Variants in MYBPH observed in about 807,000 individuals in gnomAD.
MYBPH encodes the protein myosin-binding protein H.
MYBPH carries 49 observed loss-of-function variants against 53.6 expected under a neutral mutation model. The observed-to-expected ratio is 0.91, with a 90% CI of 0.73 to 1.16. The LOEUF (loss-of-function observed/expected upper bound fraction) is 1.16. MYBPH is among the 50% of genes most tolerant of loss of function. The pLI, the probability that MYBPH is intolerant of heterozygous loss-of-function variation, is 0.00. For missense variants in MYBPH, 558 were observed against 624.1 expected, an observed-to-expected ratio of 0.89 and a Z score of 1.13; for synonymous variants, 239 against 249.6, an observed-to-expected ratio of 0.96 and a Z score of 0.40.
intron 3 of MYBPH, among the ~76,000 whole-genome samples, chr1:203,174,146 G>A (rs1331095293): frequency 4.6e-5 from 7 of 152,212 alleles, no homozygotes; most frequent in African/African-American, 1.7e-4. Flanking sequence ...TCTTAGCATT[G>A]AGCAGGTGAC....
intron 6 of MYBPH, among the ~76,000 whole-genome samples, chr1:203,170,656 T>C (rs966965443): frequency 2.0e-5 from 3 of 152,150 alleles, no homozygotes; most frequent in Non-Finnish European, 4.4e-5. Context: ...CAGAGAATCC[T>C]AGAGCCTTTG....
chr1:203,178,524 A>G (rs889518072), upstream of MYBPH, among the ~76,000 whole-genome samples: 1 of 152,344 alleles, frequency 6.6e-6, no homozygotes, highest in South Asian at 2.1e-4. Context: ...CTGAGGGTCC[A>G]GGGTTCAGGG....
In MYBPH at chr1:203,170,166, A is replaced by G. The variant is rs533181855; in HGVS notation, c.1093+125T>C. The G allele has an allele frequency of 5.0e-6, 6 of 1,193,616 alleles. No homozygotes were observed. The Admixed American group carries it at 9.6e-5, about 19-fold the overall frequency. The allele number at this position is 1,193,616 out of a possible 1,614,324, so 73.9% of individuals were successfully genotyped here. A position where few individuals can be genotyped will look rare whatever the true frequency, so the allele number is the denominator to read the frequency against. On this transcript the variant is annotated intron_variant, in intron 7 of 10. Coordinates refer to ENST00000255416, the MANE Select transcript of MYBPH (RefSeq NM_004997.3). ...TGTGTGTATGCATAGCCGTGGAGTG[A>G]GGAGACGGCAAGTGTTCCAGGGGCA...
chr1:203,170,455 A>C lies in MYBPH; in HGVS notation c.934-5T>G. On this transcript the variant is annotated splice_polypyrimidine_tract_variant and splice_region_variant and intron_variant, in intron 6 of 10. Transcript: ENST00000255416. Reference sequence around the variant, plus strand: ...CTCCAGCACTGTGAACCATTGCTGCAGGGCCCCGGGTGTCACCCTCATTTC... The same window carrying C: ...CTCCAGCACTGTGAACCATTGCTGCCGGGCCCCGGGTGTCACCCTCATTTC... The C allele has an allele frequency of 6.2e-7, 1 of 1,613,634 alleles. No individual in the cohort carries two copies. Among genetic ancestry groups the C allele is most frequent in the Non-Finnish European group, 8.5e-7 (1 of 1,179,712 alleles).
chr1:203,178,772 C>T (rs1467659319), upstream of MYBPH, among the ~76,000 whole-genome samples: 1 of 152,218 alleles, frequency 6.6e-6, no homozygotes, highest in Non-Finnish European at 1.5e-5. Flanking sequence ...CGCTGGCCTC[C>T]CACTGGGGCT....
chr1:203,176,919 A>C (rs1268540854), upstream of MYBPH, among the ~76,000 whole-genome samples: 1 of 152,190 alleles, frequency 6.6e-6, no homozygotes, highest in Non-Finnish European at 1.5e-5. Context: ...GGTTCATGGC[A>C]ATGTTATTTG....
upstream of MYBPH, among the ~76,000 whole-genome samples, chr1:203,177,874 A>T (rs1213003664): frequency 6.6e-6 from 1 of 152,152 alleles, no homozygotes; most frequent in Non-Finnish European, 1.5e-5. Context: ...CCCCCTCCCC[A>T]CACCCCACTC....
chr1:203,171,203 G>T lies in MYBPH; in HGVS notation c.794-3C>A. 1 of 1,589,294 alleles carries T rather than the reference G, an allele frequency of 6.3e-7. No individual in the cohort carries two copies. The highest frequency in any genetic ancestry group is 8.6e-7 in the Non-Finnish European group (1 of 1,169,192). ...GCTGCTGGGGGGTCCAGGTTTCTCT[G>T]TAGGCCCAGAGTGTGAGAGGAAGTG... On this transcript the variant is annotated splice_polypyrimidine_tract_variant and splice_region_variant and intron_variant, in intron 5 of 10. Coordinates refer to ENST00000255416, the MANE Select transcript of MYBPH (RefSeq NM_004997.3). This position sits in a 1 kb window ranked among gnomAD's most constrained non-coding sequence, Gnocchi z 4.2.
intron 3 of MYBPH, 112 bp downstream of exon 3, chr1:203,174,318 C>T (rs1188613011): frequency 1.2e-5 from 18 of 1,471,442 alleles, no homozygotes; most frequent in Middle Eastern, 1.9e-4. Flanking sequence ...TGCATGTGAG[C>T]GTGGGACGGG....
chr1:203,175,186 G>A, intron 2 of MYBPH, 141 bp downstream of exon 2: 1 of 1,041,030 alleles, frequency 9.6e-7, no homozygotes, highest in Admixed American at 2.9e-5. Context: ...GGGCAGGTGG[G>A]TGGGTTGAGG....
At position 203,174,509 on chromosome 1, in the gene MYBPH, C is replaced by T. The variant is rs753512289; in HGVS notation, c.429G>A (p.Leu143=). 6.2e-7 allele frequency: 1 copy of T among 1,613,588 alleles called. No homozygotes were observed. The highest frequency in any genetic ancestry group is 1.1e-5 in the South Asian group (1 of 91,066). The change falls in exon 3 of 11, where the codon CTG becomes CTA. Residue 143 remains leucine, a synonymous_variant. Transcript: ENST00000255416. Reference sequence around the variant, plus strand: ...CTGCAGAACTCACTGCAGACACGCGCAGGAGGAACTTGTCTCCCAGAGCCA... The same window carrying T: ...CTGCAGAACTCACTGCAGACACGCGTAGGAGGAACTTGTCTCCCAGAGCCA... ...RNLALGDKFL[L]RVSAVSSAGA...
Position 203,169,037 on chromosome 1 carries a change from C to T in MYBPH, c.1286G>A (p.Arg429His), listed in dbSNP as rs750570762. The T allele has an allele frequency of 1.5e-5, 25 of 1,613,790 alleles. No individual in the cohort carries two copies. Among genetic ancestry groups the T allele is most frequent in the African/African-American group, 8.0e-5 (6 of 74,884 alleles). The stretch of plus-strand genomic sequence containing the variant: ...GCAGACGCCTTGCTCAGAGAGGGCG[C>T]GGTATTTGGGGTTGCCCTGGATCTC... ...KMEIQGNPKYRALSEQGVCTL... is the reference protein window; with the variant it reads ...KMEIQGNPKYHALSEQGVCTL... Residue 429 changes from arginine (R) to histidine (H), a missense_variant, in exon 9 of 11, where the codon CGC (arginine) becomes CAC (histidine). Physicochemically the swap from Arg to His is conservative, Grantham distance 29. Coordinates refer to ENST00000255416, the MANE Select transcript of MYBPH (RefSeq NM_004997.3).
At position 203,174,419 on chromosome 1, in the gene MYBPH, A is replaced by T. The variant is rs536413263; in HGVS notation, c.508+11T>A. On this transcript the variant is annotated intron_variant, in intron 3 of 10. Transcript: ENST00000255416. ...AAGGGCTGGGTAGCTGAAGGCCAGGATGGGCTTTACCAATGTTCTCTCGGA... is the reference window on the plus strand; with the variant it reads ...AAGGGCTGGGTAGCTGAAGGCCAGGTTGGGCTTTACCAATGTTCTCTCGGA... 6.4e-7 allele frequency: 1 copy of T among 1,571,224 alleles called. No homozygotes were observed. The highest frequency in any genetic ancestry group is 1.1e-5 in the South Asian group (1 of 87,014).
intron 8 of MYBPH, 40 bp downstream of exon 8, chr1:203,169,212 GC>G (rs1413620685): frequency 6.3e-7 from 1 of 1,579,954 alleles, no homozygotes; most frequent in Admixed American, 1.7e-5. Flanking sequence ...GTCCCCACCT[GC>G]CCCCACCAGC....
upstream of MYBPH, among the ~76,000 whole-genome samples, chr1:203,177,283 G>C (rs961924132): frequency 5.3e-5 from 8 of 152,224 alleles, no homozygotes; most frequent in South Asian, 4.1e-4. Context: ...TGCTAATGAG[G>C]TTTCCTTTCC....
chr1:203,176,184 G>A (rs1571824157), upstream of MYBPH, among the ~76,000 whole-genome samples: 1 of 152,198 alleles, frequency 6.6e-6, no homozygotes, highest in East Asian at 1.9e-4. Context: ...GGGGCCACTT[G>A]TTCCCAGAGC....
chr1:203,170,550 A>G, intron 6 of MYBPH, 100 bp from the exon 7 acceptor site: 1 of 1,461,808 alleles, frequency 6.8e-7, no homozygotes, highest in Non-Finnish European at 9.3e-7. Flanking sequence ...CCATGCCCCC[A>G]ACCTTAGGAT....
At chr1:203,178,119 C>T (rs986438215), upstream of MYBPH, among the ~76,000 whole-genome samples, 1 of 152,208 alleles carries the variant, frequency 6.6e-6, no homozygotes, top group Admixed American at 6.5e-5. Flanking sequence ...TATCTGGAGC[C>T]TTTTTGGATA....
chr1:203,169,776 C>G (rs968453033), intron 7 of MYBPH, among the ~76,000 whole-genome samples: 1 of 152,128 alleles, frequency 6.6e-6, no homozygotes, highest in South Asian at 2.1e-4. Context: ...GACTGTGGGT[C>G]GGAGAGGGCC....
Sources: gnomAD v4.1 joint callset for allele counts (sites outside exome capture counted in the v4.1 genomes callset) on GRCh38, gnomAD v4.1.1 for gene constraint, Gnocchi (gnomAD v3.1) non-coding constraint, MANE v1.5 for transcripts, NCBI Gene and HGNC (gene_info 2026-07-23, HGNC 2026-07-21) for gene names.